NOTCH2: variants seen among roughly 807,000 people sequenced by gnomAD.
NOTCH2 encodes neurogenic locus notch homolog protein 2.
In NOTCH2, 29 loss-of-function variants were observed where a neutral mutation model predicts 235.8. The ratio of observed to expected loss-of-function variants is 0.12; its 90% CI spans 0.09 to 0.17. The LOEUF (loss-of-function observed/expected upper bound fraction) is 0.17, where lower values mean the gene tolerates loss of function less well. Among genes scored for constraint, NOTCH2 ranks in the 10% least tolerant of loss-of-function variants. The pLI is 1.00. For synonymous variants in NOTCH2, 1,086 were observed against 1,141.5 expected, an observed-to-expected ratio of 0.95 and a Z score of 0.98; for missense variants, 2,285 against 3,150.2, an observed-to-expected ratio of 0.73 and a Z score of 6.57.
chr1:119,917,518 T>A, intron 33 of NOTCH2, 147 bp downstream of exon 33: 1 of 700,748 alleles, frequency 1.4e-6, no homozygotes, highest in Admixed American at 2.0e-5. Context: ...AATATCCTCA[T>A]CAAGCTCTCG....
chr1:119,919,847 C>T (rs780671843), intron 30 of NOTCH2, among the ~76,000 whole-genome samples: 2 of 152,128 alleles, frequency 1.3e-5, no homozygotes, highest in African/African-American at 2.4e-5. Flanking sequence ...TCTCTAAACA[C>T]GTTTTTCTGT....
At chr1:119,996,308 G>GT (rs1348941819) in intron 4 of NOTCH2, 1 of 304,818 alleles carries the variant, frequency 3.3e-6, no homozygotes, top group African/African-American at 2.2e-5. Context: ...TAGAACACTT[G>GT]TATCAGTGAA....
At chr1:119,940,503 T>A in intron 19 of NOTCH2, 52 bp downstream of exon 19, 1 of 1,495,946 alleles carries the variant, frequency 6.7e-7, no homozygotes, top group South Asian at 1.1e-5. Context: ...TGAACAGGTA[T>A]AATATTCAGC....
chr1:119,934,340 C>G (rs1649773742), intron 22 of NOTCH2, among the ~76,000 whole-genome samples: 1 of 152,166 alleles, frequency 6.6e-6, no homozygotes, highest in Non-Finnish European at 1.5e-5. Flanking sequence ...TACTTAGTCT[C>G]AGGTATTCTT....
At position 119,997,345 on chromosome 1, in the gene NOTCH2, T is replaced by C. The variant is rs1652508212; in HGVS notation, c.416-13A>G. 1 of 1,613,516 alleles carries C rather than the reference T, an allele frequency of 6.2e-7. No homozygotes were observed. Among genetic ancestry groups the C allele is most frequent in the Non-Finnish European group, 8.5e-7 (1 of 1,179,510 alleles). ...TGGCACTCCTTACCTAAAGGAAGGA[T>C]AACAAAACTCAGTACTGGCCACAGA... On this transcript the variant is annotated splice_polypyrimidine_tract_variant and intron_variant, in intron 3 of 33. Transcript: ENST00000256646.
Position 119,957,829 on chromosome 1 carries a change from A to AACACACACACACACAC in NOTCH2, c.2026+1547_2026+1562dup, listed in dbSNP as rs3222739. On this transcript the variant is annotated intron_variant, in intron 12 of 33. Transcript: ENST00000256646. ...ATGAGTCCAGTAGAAGCCTTATATAAACACACACACACACACACACACACA... is the reference window on the plus strand; with the variant it reads ...ATGAGTCCAGTAGAAGCCTTATATAAACACACACACACACACACACACACACACACACACACACACA... Among the ~76,000 whole-genome samples the AACACACACACACACAC allele has an allele frequency of 1.2e-3, 137 of 116,496 alleles. 5 individuals carry two copies. The highest frequency in any genetic ancestry group is 4.5e-3 in the East Asian group (15 of 3,350). The allele number at this position is 116,496 out of a possible 152,430, so 76.4% of individuals were successfully genotyped here.
chr1:120,037,599 C>A (rs1237031585), intron 1 of NOTCH2, among the ~76,000 whole-genome samples: 2 of 150,950 alleles, frequency 1.3e-5, no homozygotes, highest in Non-Finnish European at 3.0e-5. Flanking sequence ...CTTCAAATCC[C>A]AAGTGGTACA....
intron 4 of NOTCH2, among the ~76,000 whole-genome samples, chr1:119,988,318 C>G (rs1652099945): frequency 6.6e-6 from 1 of 152,066 alleles, no homozygotes; most frequent in African/African-American, 2.4e-5. Flanking sequence ...AACTGAGTGA[C>G]CAAAAACATT....
At chr1:120,041,914 GGAAA>G (rs1240140271) in intron 1 of NOTCH2, among the ~76,000 whole-genome samples, 5 of 142,430 alleles carry the variant, frequency 3.5e-5, no homozygotes, top group African/African-American at 1.4e-4. Context: ...GAAGGGAAAG[GGAAA>G]GAGAGAGGAA....
At chr1:119,974,193 G>T (rs185379664) in intron 5 of NOTCH2, among the ~76,000 whole-genome samples, 26 of 152,288 alleles carry the variant, frequency 1.7e-4, no homozygotes, top group Non-Finnish European at 3.5e-4. Context: ...ACAAGTGTCA[G>T]CATGTATCAT....
chr1:119,977,869 T>A (rs1553201126), intron 5 of NOTCH2, among the ~76,000 whole-genome samples: 1 of 151,704 alleles, frequency 6.6e-6, no homozygotes, highest in Non-Finnish European at 1.5e-5. Flanking sequence ...TATATATATG[T>A]ACACATACAC....
At position 119,941,676 on chromosome 1, in the gene NOTCH2, T is replaced by C. The variant is rs782738849; in HGVS notation, c.2831A>G (p.Asp944Gly). ...CTCATTCATGTCTGTCTGGCACTTATCCCCAGTGAAACCCGGAAGGCAGAG... is the reference window on the plus strand; with the variant it reads ...CTCATTCATGTCTGTCTGGCACTTACCCCCAGTGAAACCCGGAAGGCAGAG... ...SCLCLPGFTG[D>G]KCQTDMNECL... The change falls in exon 18 of 34, where the codon GAT becomes GGT. Residue 944 changes from aspartate to glycine, a missense_variant. Transcript: ENST00000256646. The C allele has an allele frequency of 1.2e-6, 2 of 1,614,094 alleles. No homozygotes were observed. The highest frequency in any genetic ancestry group is 1.1e-5 in the South Asian group (1 of 91,072).
chr1:119,935,253 G>T (rs1553195591), intron 22 of NOTCH2: 6 of 1,451,946 alleles, frequency 4.1e-6, no homozygotes, highest in Non-Finnish European at 5.4e-6. Flanking sequence ...ATATCAAGAT[G>T]CCAAACAACC....
intron 32 of NOTCH2, 24 bp downstream of exon 32, chr1:119,918,382 C>T: frequency 6.2e-7 from 1 of 1,613,414 alleles, no homozygotes; most frequent in Non-Finnish European, 8.5e-7. Context: ...GGTAAGAATC[C>T]AAATCCCTGC....
At position 119,913,688 on chromosome 1, in the gene NOTCH2, A is replaced by C; in HGVS notation, c.*1618T>G. 4.3e-6 allele frequency: 1 copy of C among 233,312 alleles called. No individual in the cohort carries two copies. The highest frequency in any genetic ancestry group is 6.0e-5 in the East Asian group (1 of 16,584). 14.5% of individuals were successfully genotyped at this position (233,312 alleles called of 1,614,324 possible). A position where few individuals can be genotyped will look rare whatever the true frequency, so the allele number is the denominator to read the frequency against. The stretch of plus-strand genomic sequence containing the variant: ...GAGTGGATTCAGGTGAGGGGCAATC[A>C]GTCTGAACAATGAGCAAGTCTATAG... On this transcript the variant is annotated 3_prime_UTR_variant, in exon 34 of 34. Transcript: ENST00000256646.
intron 23 of NOTCH2, 22 bp downstream of exon 23, chr1:119,928,954 A>G: frequency 6.3e-7 from 1 of 1,596,014 alleles, no homozygotes; most frequent in Non-Finnish European, 8.6e-7. Context: ...CAGAGTGGCC[A>G]GGAGGCTAGA....
intron 5 of NOTCH2, among the ~76,000 whole-genome samples, chr1:119,976,172 G>C (rs1369265927): frequency 2.6e-5 from 4 of 152,058 alleles, no homozygotes; most frequent in Non-Finnish European, 5.9e-5. Flanking sequence ...AGTCAAGAGA[G>C]CTCCATCTCC....
At chr1:119,963,086 A>G (rs185586110) in intron 11 of NOTCH2, among the ~76,000 whole-genome samples, 1 of 152,238 alleles carries the variant, frequency 6.6e-6, no homozygotes, top group Non-Finnish European at 1.5e-5. Flanking sequence ...CCCACCAGAG[A>G]CAAGTGACTG....
chr1:119,965,674 G>A (rs1651108532), intron 9 of NOTCH2, 108 bp from the exon 10 acceptor site: 1 of 830,086 alleles, frequency 1.2e-6, no homozygotes, highest in African/African-American at 1.7e-5. Context: ...GGGTCAATAA[G>A]CCTATGCTTT....
Sources: allele counts gnomAD v4.1 joint callset (sites outside exome capture counted in the v4.1 genomes callset), GRCh38; gene constraint gnomAD v4.1.1; transcripts MANE v1.5; gene names NCBI Gene and HGNC (gene_info 2026-07-23, HGNC 2026-07-21).